ADAMTS14: variants seen among roughly 807,000 people sequenced by gnomAD.
ADAMTS14 encodes the protein A disintegrin and metalloproteinase with thrombospondin motifs 14.
ADAMTS14 carries 100 observed loss-of-function variants against 128.6 expected under a neutral mutation model. That is an observed-to-expected ratio of 0.78 (90% confidence interval 0.66 to 0.92). ADAMTS14 has a LOEUF of 0.92. Among genes scored for constraint, ADAMTS14 ranks in the 40% least tolerant of loss-of-function variants. ADAMTS14 has a pLI of 0.00. For synonymous variants in ADAMTS14, 665 were observed against 653.8 expected, an observed-to-expected ratio of 1.02 and a Z score of -0.26; for missense variants, 1,562 against 1,658.6, an observed-to-expected ratio of 0.94 and a Z score of 1.01.
intron 17 of ADAMTS14, 91 bp from the exon 18 acceptor site, chr10:70,752,004 A>C (rs1842363910): frequency 1.3e-6 from 2 of 1,519,740 alleles, no homozygotes; most frequent in Non-Finnish European, 1.8e-6. Flanking sequence ...ATTGGCCCAC[A>C]AGGCTCTCCA....
chr10:70,700,037 T>C lies in ADAMTS14; in HGVS notation c.523-2275T>C, dbSNP rs75956313. Among the ~76,000 whole-genome samples, 245 of 151,980 alleles carry C rather than the reference T, an allele frequency of 1.6e-3. 1 individual carries two copies. The East Asian group carries it at 0.019, about 12-fold the overall frequency. On this transcript the variant is annotated intron_variant, in intron 2 of 21. Coordinates refer to ENST00000373207, the MANE Select transcript of ADAMTS14 (RefSeq NM_080722.4). The stretch of plus-strand genomic sequence containing the variant: ...TCAGACACGGGTGCAGAAAGCGGGA[T>C]GGGATAAATCATGCAGGGCTTGGCT...
At chr10:70,728,478 G>A (rs1446997197) in intron 4 of ADAMTS14, among the ~76,000 whole-genome samples, 1 of 152,216 alleles carries the variant, frequency 6.6e-6, no homozygotes, top group African/African-American at 2.4e-5. Flanking sequence ...GACCACTCAG[G>A]AAATGGGTGT....
chr10:70,700,150 G>C (rs1425088095), intron 2 of ADAMTS14, among the ~76,000 whole-genome samples: 1 of 152,082 alleles, frequency 6.6e-6, no homozygotes, highest in African/African-American at 2.4e-5. Context: ...CTGGAAGACA[G>C]GCCTCCTGTG....
intron 9 of ADAMTS14, among the ~76,000 whole-genome samples, chr10:70,735,834 C>A (rs1168043020): frequency 6.6e-6 from 1 of 152,172 alleles, no homozygotes; most frequent in African/African-American, 2.4e-5. Flanking sequence ...CTAGAGTCCC[C>A]TAGGAGAGAA....
chr10:70,680,519 G>A (rs915739855), intron 2 of ADAMTS14, among the ~76,000 whole-genome samples: 1 of 152,238 alleles, frequency 6.6e-6, no homozygotes, highest in East Asian at 1.9e-4. Flanking sequence ...TAGTTTGGGG[G>A]AAAGAGCAGG....
intron 15 of ADAMTS14, among the ~76,000 whole-genome samples, chr10:70,746,292 A>G (rs1467419780): frequency 6.6e-6 from 1 of 152,262 alleles, no homozygotes; most frequent in African/African-American, 2.4e-5. Flanking sequence ...AATTAAGGCC[A>G]TTAATATAAT....
At chr10:70,756,232 T>C (rs962596862) in intron 19 of ADAMTS14, among the ~76,000 whole-genome samples, 1 of 152,202 alleles carries the variant, frequency 6.6e-6, no homozygotes, top group African/African-American at 2.4e-5. Flanking sequence ...AGGCTGGTGG[T>C]GGCATCTGGA....
At chr10:70,754,628 G>A (rs771957837) in intron 19 of ADAMTS14, among the ~76,000 whole-genome samples, 4 of 152,196 alleles carry the variant, frequency 2.6e-5, no homozygotes, top group Non-Finnish European at 5.9e-5. Flanking sequence ...GGCTGGAGCT[G>A]ACTGGGAGGG....
chr10:70,707,129 G>A (rs1461332774), intron 3 of ADAMTS14, among the ~76,000 whole-genome samples: 3 of 152,204 alleles, frequency 2.0e-5, no homozygotes, highest in African/African-American at 7.2e-5. Flanking sequence ...CAGTCCTGCT[G>A]TAGTCTTTGA....
intron 12 of ADAMTS14, 79 bp from the exon 13 acceptor site, chr10:70,743,469 G>A: frequency 6.7e-7 from 1 of 1,493,894 alleles, no homozygotes; most frequent in Non-Finnish European, 8.9e-7. Flanking sequence ...GAGCTTTCTG[G>A]CTGGACCACA....
At chr10:70,690,987 G>A (rs1319617415) in intron 2 of ADAMTS14, among the ~76,000 whole-genome samples, 2 of 144,788 alleles carry the variant, frequency 1.4e-5, no homozygotes, top group East Asian at 3.9e-4. Context: ...GGAAGCCTCA[G>A]AGCCGCTTGG....
At chr10:70,741,984 A>AGCTGTCTG (rs1173148432) in intron 12 of ADAMTS14, among the ~76,000 whole-genome samples, 1 of 152,134 alleles carries the variant, frequency 6.6e-6, no homozygotes, top group Non-Finnish European at 1.5e-5. Flanking sequence ...CTCTTGGCCC[A>AGCTGTCTG]GACAGCTCCC....
chr10:70,702,268 C>A (rs755015529), intron 2 of ADAMTS14, 44 bp from the exon 3 acceptor site: 4 of 1,612,748 alleles, frequency 2.5e-6, no homozygotes, highest in East Asian at 2.2e-5. Context: ...TGTGTTCATG[C>A]CTCTTATTTC....
chr10:70,675,109 T>C (rs1839605432), intron 2 of ADAMTS14, 114 bp downstream of exon 2: 1 of 1,317,282 alleles, frequency 7.6e-7, no homozygotes, highest in East Asian at 2.4e-5. Context: ...GGGGTGGTGC[T>C]GCCTTCCAGA....
chr10:70,716,993 C>T (rs1167241895), intron 4 of ADAMTS14, among the ~76,000 whole-genome samples: 1 of 152,200 alleles, frequency 6.6e-6, no homozygotes, highest in African/African-American at 2.4e-5. Context: ...CGCTGCTGGG[C>T]GCTGTCTTTT....
In ADAMTS14 at chr10:70,758,223, C is replaced by T. The variant is rs147756077; in HGVS notation, c.3116C>T (p.Thr1039Met). 160 of 1,614,250 alleles carry T rather than the reference C, an allele frequency of 9.9e-5. 1 individual carries two copies. The highest frequency in any genetic ancestry group is 6.5e-4 in the South Asian group (59 of 91,088). The change falls in exon 21 of 22, where the codon ACG (threonine) becomes ATG (methionine). Residue 1039 changes from threonine (T) to methionine (M), a missense_variant. Coordinates refer to ENST00000373207, the MANE Select transcript of ADAMTS14 (RefSeq NM_080722.4). ...TVRADVWELG[T>M]PEGQWVPQSE... ...AGGGCCGATGTCTGGGAACTTGGGACGCCAGAGGGGCAGTGGGTGCCACAA... is the reference window on the plus strand; with the variant it reads ...AGGGCCGATGTCTGGGAACTTGGGATGCCAGAGGGGCAGTGGGTGCCACAA...
chr10:70,760,720 C>A lies in ADAMTS14; in HGVS notation c.3539C>A (p.Ser1180Tyr). 6.2e-7 allele frequency: 1 copy of A among 1,614,066 alleles called. No homozygotes were observed. The highest frequency in any genetic ancestry group is 8.5e-7 in the Non-Finnish European group (1 of 1,179,990). Reference protein sequence around the residue: ...TPIPGASWSISPTTPGGLPWG... With the variant: ...TPIPGASWSIYPTTPGGLPWG... Reference sequence around the variant, plus strand: ...ATCCCTGGAGCATCCTGGAGCATCTCCCCTACCACCCCCGGGGGGCTGCCT... The same window carrying A: ...ATCCCTGGAGCATCCTGGAGCATCTACCCTACCACCCCCGGGGGGCTGCCT... Residue 1180 changes from serine (S) to tyrosine (Y), a missense_variant, in exon 22 of 22, where the codon TCC (serine) becomes TAC (tyrosine). By Grantham distance (144) the Ser-to-Tyr change is moderately radical. Coordinates refer to ENST00000373207, the MANE Select transcript of ADAMTS14 (RefSeq NM_080722.4).
rs1243129936 is a variant in ADAMTS14 at position 70,672,871 on chromosome 10, C to T, written c.69C>T (p.Gly23=). Residue 23 remains glycine, a synonymous_variant, in exon 1 of 22, where the codon GGC becomes GGT. Transcript: ENST00000373207. ...PLHCALCAAA[G]SRTPELHLSG... Reference sequence around the variant, plus strand: ...ACTGTGCGCTCTGCGCCGCCGCGGGCAGCCGGACCCCAGGTGCGTGCGGGT... The same window carrying T: ...ACTGTGCGCTCTGCGCCGCCGCGGGTAGCCGGACCCCAGGTGCGTGCGGGT... 2.7e-6 allele frequency: 4 copies of T among 1,498,860 alleles called. No homozygotes were observed. The Admixed American group carries it at 8.8e-5, about 33-fold the overall frequency. 92.8% of individuals were successfully genotyped at this position (1,498,860 alleles called of 1,614,324 possible). A position where few individuals can be genotyped will look rare whatever the true frequency, so the allele number is the denominator to read the frequency against.
At chr10:70,756,412 CA>C (rs1564562311) in intron 19 of ADAMTS14, among the ~76,000 whole-genome samples, 1 of 152,150 alleles carries the variant, frequency 6.6e-6, no homozygotes, top group Non-Finnish European at 1.5e-5. Flanking sequence ...AAGGACCCCA[CA>C]GATAAAAGTA....
Sources: allele counts gnomAD v4.1 joint callset (sites outside exome capture counted in the v4.1 genomes callset), GRCh38; gene constraint gnomAD v4.1.1; transcripts MANE v1.5; gene names NCBI Gene and HGNC (gene_info 2026-07-23, HGNC 2026-07-21).